The following ESRRG variants were observed in gnomAD, a reference collection of about 807,000 sequenced individuals.
ESRRG encodes the protein estrogen-related receptor gamma.
ESRRG carries 13 observed loss-of-function variants against 44.0 expected under a neutral mutation model. The ratio of observed to expected loss-of-function variants is 0.30; its 90% CI spans 0.19 to 0.47. The LOEUF is 0.47. ESRRG is among the 20% of genes least tolerant of loss of function. The pLI, the probability that ESRRG is intolerant of heterozygous loss-of-function variation, is 1.00. For missense variants in ESRRG, 395 were observed against 580.6 expected (o/e 0.68, Z 3.29); for synonymous variants, 215 against 214.6 (o/e 1.00, Z -0.02).
At chr1:216,565,721 G>A (rs2059565685) in intron 4 of ESRRG, among the ~76,000 whole-genome samples, 2 of 152,010 alleles carry the variant, frequency 1.3e-5, no homozygotes, top group Non-Finnish European at 2.9e-5. Flanking sequence ...GCAGATTTGG[G>A]AGGAAATATT....
chr1:216,872,718 TTG>T (rs760307380), intron 2 of ESRRG, among the ~76,000 whole-genome samples: 7 of 152,180 alleles, frequency 4.6e-5, no homozygotes, highest in Non-Finnish European at 1.0e-4. Flanking sequence ...TCAGGAGTGT[TTG>T]TGACTGCTTG....
At chr1:217,070,543 G>A (rs767965886) in intron 1 of ESRRG, among the ~76,000 whole-genome samples, 5 of 152,086 alleles carry the variant, frequency 3.3e-5, no homozygotes, top group African/African-American at 4.8e-5. Flanking sequence ...ACCAGGTCTG[G>A]CTAATTTTTG....
chr1:216,602,698 C>G (rs1241655919), intron 3 of ESRRG, among the ~76,000 whole-genome samples: 2 of 152,208 alleles, frequency 1.3e-5, no homozygotes, highest in Non-Finnish European at 2.9e-5. Flanking sequence ...CTATATATTA[C>G]TATGAACTAT....
intron 2 of ESRRG, among the ~76,000 whole-genome samples, chr1:216,858,960 A>G (rs1293506132): frequency 6.6e-6 from 1 of 152,214 alleles, no homozygotes; most frequent in Non-Finnish European, 1.5e-5. Flanking sequence ...TCAGTTTTGC[A>G]TCTGTAAAAT....
rs1321845567 is a variant in ESRRG at position 216,568,749 on chromosome 1, A to C, written c.590-651T>G. Among the ~76,000 whole-genome samples the C allele has an allele frequency of 2.0e-5, 3 of 152,266 alleles. No homozygotes were observed. In the South Asian group the frequency reaches 6.2e-4, roughly 32 times the overall value. Reference sequence around the variant, plus strand: ...CTGAGAGCAGGTTTGGGCTGAACACAGGATAGAAAGGGGAGCTTCCTAGCC... The same window carrying C: ...CTGAGAGCAGGTTTGGGCTGAACACCGGATAGAAAGGGGAGCTTCCTAGCC... On this transcript the variant is annotated intron_variant, in intron 3 of 6. Coordinates refer to ENST00000408911, the MANE Select transcript of ESRRG (RefSeq NM_001438.4).
At chr1:216,642,775 G>T (rs532417973) in intron 3 of ESRRG, among the ~76,000 whole-genome samples, 27 of 152,190 alleles carry the variant, frequency 1.8e-4, no homozygotes, top group African/African-American at 5.8e-4. Context: ...TGACTTGGCA[G>T]CATAATGATA....
intron 1 of ESRRG, among the ~76,000 whole-genome samples, chr1:217,129,476 C>T (rs1051545815): frequency 6.6e-6 from 1 of 152,048 alleles, no homozygotes; most frequent in Non-Finnish European, 1.5e-5. Flanking sequence ...TATGTTTAAA[C>T]AAAACTTTGT....
intron 5 of ESRRG, among the ~76,000 whole-genome samples, chr1:216,532,233 A>G (rs933874398): frequency 3.3e-5 from 5 of 152,134 alleles, no homozygotes; most frequent in African/African-American, 1.2e-4. Flanking sequence ...TTAATTCTAA[A>G]TATACCCAAG....
chr1:217,013,765 G>A (rs541704136), intron 1 of ESRRG, among the ~76,000 whole-genome samples: 46 of 149,114 alleles, frequency 3.1e-4, no homozygotes, highest in African/African-American at 1.1e-3. Context: ...TTAGCTAAAT[G>A]TCATCCCCCC....
chr1:216,734,373 C>T (rs542042373), intron 2 of ESRRG, among the ~76,000 whole-genome samples: 2 of 152,138 alleles, frequency 1.3e-5, no homozygotes, highest in Non-Finnish European at 2.9e-5. Flanking sequence ...GGGAGGTGTT[C>T]GGGTCATGAG....
chr1:216,647,708 C>A (rs905230614), intron 3 of ESRRG, among the ~76,000 whole-genome samples: 5 of 152,136 alleles, frequency 3.3e-5, no homozygotes, highest in African/African-American at 4.8e-5. Flanking sequence ...AATAGAAATG[C>A]CAGTCAATAA....
chr1:216,539,460 C>T (rs1448688790), intron 5 of ESRRG, among the ~76,000 whole-genome samples: 1 of 151,946 alleles, frequency 6.6e-6, no homozygotes, highest in African/African-American at 2.4e-5. Flanking sequence ...TCCCCCCTAC[C>T]TTGTTTTCAG....
chr1:216,739,312 T>A (rs949673458), intron 2 of ESRRG, among the ~76,000 whole-genome samples: 6 of 150,070 alleles, frequency 4.0e-5, no homozygotes, highest in Non-Finnish European at 8.9e-5. Context: ...CAGAATAAGA[T>A]GTGATATAAA....
At chr1:216,690,185 G>T (rs2078804110) in intron 1 of ESRRG, among the ~76,000 whole-genome samples, 1 of 151,912 alleles carries the variant, frequency 6.6e-6, no homozygotes, top group Non-Finnish European at 1.5e-5. Flanking sequence ...TATAATATTA[G>T]CCCTAAGCTG....
chr1:216,648,086 T>A (rs979531707), intron 3 of ESRRG, among the ~76,000 whole-genome samples: 11 of 152,186 alleles, frequency 7.2e-5, no homozygotes, highest in African/African-American at 2.4e-4. Context: ...TCATGTTCTC[T>A]GACATACTTC....
At chr1:217,128,502 G>A (rs570709447) in intron 1 of ESRRG, among the ~76,000 whole-genome samples, 79 of 152,128 alleles carry the variant, frequency 5.2e-4, no homozygotes, top group Non-Finnish European at 7.1e-4. Flanking sequence ...GATTTTCCTG[G>A]TTATTGTTGG....
At chr1:216,834,531 T>C (rs929530895) in intron 2 of ESRRG, among the ~76,000 whole-genome samples, 1 of 152,174 alleles carries the variant, frequency 6.6e-6, no homozygotes, top group African/African-American at 2.4e-5. Context: ...TCAATGGAGA[T>C]GGATATTGGA....
At chr1:217,118,496 G>T (rs1322425426) in intron 1 of ESRRG, among the ~76,000 whole-genome samples, 1 of 152,152 alleles carries the variant, frequency 6.6e-6, no homozygotes, top group Non-Finnish European at 1.5e-5. Context: ...TTCTCATCAA[G>T]ATCGACAAGA....
At chr1:216,642,290 C>A (rs758224333) in intron 3 of ESRRG, among the ~76,000 whole-genome samples, 1 of 152,042 alleles carries the variant, frequency 6.6e-6, no homozygotes, top group African/African-American at 2.4e-5. Context: ...CAAAAGCACA[C>A]AGCACATAGC....
Sources: gnomAD v4.1 joint callset for allele counts (sites outside exome capture counted in the v4.1 genomes callset) on GRCh38, gnomAD v4.1.1 for gene constraint, MANE v1.5 for transcripts, NCBI Gene and HGNC (gene_info 2026-07-23, HGNC 2026-07-21) for gene names.